Variants in OPHN1 observed in about 807,000 individuals in gnomAD.
OPHN1 encodes the protein oligophrenin-1.
In OPHN1, 11 loss-of-function variants were observed where a neutral mutation model predicts 60.7. The ratio of observed to expected loss-of-function variants is 0.18; its 90% CI spans 0.11 to 0.30. OPHN1 has a LOEUF of 0.30. Ranked by LOEUF, OPHN1 falls within the 10% of genes least tolerant of loss-of-function variation. The pLI is 1.00. For synonymous variants in OPHN1, 226 were observed against 222.6 expected (o/e 1.02, Z -0.14); for missense variants, 449 against 611.0 (o/e 0.73, Z 2.80).
Position 68,063,861 on chromosome X carries a change from G to C in OPHN1, c.2151C>G (p.His717Gln), listed in dbSNP as rs1309590503. The change falls in exon 21 of 25, where the codon CAC (histidine) becomes CAG (glutamine). Residue 717 changes from histidine (H) to glutamine (Q), a missense_variant. Coordinates refer to ENST00000355520, the MANE Select transcript of OPHN1 (RefSeq NM_002547.3). Reference protein sequence around the residue: ...KRPAPRPLAHHKEGDADSFSK... With the variant: ...KRPAPRPLAHQKEGDADSFSK... ...GGATTCCCAAGCACTTACCCTCCTT[G>C]TGGTGGGCCAGGGGCCGGGGAGCTG... The C allele has an allele frequency of 3.4e-6, 4 of 1,163,983 alleles. No homozygotes were observed. The highest frequency in any genetic ancestry group is 5.1e-5 in the Admixed American group (2 of 39,569).
chrX:68,419,111 G>A (rs1345432210), intron 2 of OPHN1, among the ~76,000 whole-genome samples: 2 of 109,743 alleles, frequency 1.8e-5, no homozygotes, highest in African/African-American at 6.6e-5. Context: ...GGGTTCAAGC[G>A]ATTCTCCTGC....
intron 2 of OPHN1, among the ~76,000 whole-genome samples, chrX:68,333,884 C>A (rs2078308440): frequency 9.8e-6 from 1 of 101,539 alleles, no homozygotes; most frequent in South Asian, 4.4e-4. Context: ...TCTCTAATTT[C>A]AAATGAATTT....
intron 2 of OPHN1, among the ~76,000 whole-genome samples, chrX:68,379,456 C>G (rs1458086180): frequency 1.9e-5 from 2 of 105,496 alleles, no homozygotes; most frequent in African/African-American, 3.5e-5. Context: ...GCCAGAACTT[C>G]CAACACTATG....
At chrX:68,364,940 T>C (rs913184927) in intron 2 of OPHN1, among the ~76,000 whole-genome samples, 11 of 111,718 alleles carry the variant, frequency 9.8e-5, no homozygotes, top group Non-Finnish European at 1.7e-4. Context: ...CTAACTTCTC[T>C]AATCCTCACT....
intron 15 of OPHN1, among the ~76,000 whole-genome samples, chrX:68,172,886 C>A (rs770646496): frequency 1.8e-5 from 2 of 111,441 alleles, no homozygotes; most frequent in Non-Finnish European, 3.8e-5. Context: ...TTATCCTTGA[C>A]AGTTTCCAGT....
chrX:68,268,285 A>C (rs980205678), intron 5 of OPHN1, among the ~76,000 whole-genome samples: 5 of 111,546 alleles, frequency 4.5e-5, no homozygotes, highest in Non-Finnish European at 9.4e-5. Context: ...GAGACACAAC[A>C]AAAAAAGAGA....
At chrX:68,407,719 C>G (rs1420270396) in intron 2 of OPHN1, among the ~76,000 whole-genome samples, 1 of 111,759 alleles carries the variant, frequency 8.9e-6, no homozygotes, top group Non-Finnish European at 1.9e-5. Flanking sequence ...ATGTCCTCTA[C>G]TATAAATTAG....
chrX:68,350,466 T>TCCTTCCTCCCTCCCTC (rs2078403161), intron 2 of OPHN1, among the ~76,000 whole-genome samples: 2 of 68,645 alleles, frequency 2.9e-5, no homozygotes, highest in Non-Finnish European at 5.0e-5. Flanking sequence ...CTTCCTTCCT[T>TCCTTCCTCCCTCCCTC]CCTTCCTCCC....
intron 2 of OPHN1, among the ~76,000 whole-genome samples, chrX:68,306,480 T>C (rs755814964): frequency 1.4e-4 from 16 of 111,779 alleles, no homozygotes; most frequent in Middle Eastern, 9.3e-3. Context: ...AATGGGAAGT[T>C]GGGAGATACA....
intron 3 of OPHN1, among the ~76,000 whole-genome samples, chrX:68,296,843 C>T (rs1184383589): frequency 9.1e-6 from 1 of 110,054 alleles, no homozygotes; most frequent in Non-Finnish European, 1.9e-5. Flanking sequence ...TAATCAGCAG[C>T]TCTGATGGAG....
chrX:68,323,037 G>A (rs775218641), intron 2 of OPHN1, among the ~76,000 whole-genome samples: 11 of 111,474 alleles, frequency 9.9e-5, no homozygotes, highest in East Asian at 5.6e-4. Context: ...GTGTGTGGGC[G>A]TGAATATAAA....
chrX:68,130,354 G>A (rs1453770187), intron 15 of OPHN1, among the ~76,000 whole-genome samples: 1 of 111,371 alleles, frequency 9.0e-6, no homozygotes, highest in Non-Finnish European at 1.9e-5. Context: ...GATTCTCCCT[G>A]TATTCAAACT....
At chrX:68,153,435 G>T (rs2077294935) in intron 15 of OPHN1, among the ~76,000 whole-genome samples, 1 of 110,976 alleles carries the variant, frequency 9.0e-6, no homozygotes, top group Admixed American at 9.6e-5. Flanking sequence ...AAATTCTGTA[G>T]AAGAAGCAGT....
chrX:68,157,870 A>G (rs1356907065), intron 15 of OPHN1, among the ~76,000 whole-genome samples: 2 of 112,922 alleles, frequency 1.8e-5, no homozygotes, highest in East Asian at 5.5e-4. Flanking sequence ...ATTAAAATAT[A>G]TGACAAAATA....
chrX:68,339,681 C>T (rs970512701), intron 2 of OPHN1, among the ~76,000 whole-genome samples: 5 of 112,002 alleles, frequency 4.5e-5, no homozygotes, highest in African/African-American at 1.6e-4. Context: ...CAGCTCGCTG[C>T]ACCCTCTGCC....
intron 2 of OPHN1, among the ~76,000 whole-genome samples, chrX:68,342,201 G>A (rs2078356543): frequency 9.1e-6 from 1 of 110,431 alleles, no homozygotes; most frequent in Admixed American, 9.8e-5. Context: ...AAACTCCTGG[G>A]CTCAAGTGAT....
At chrX:68,141,960 G>GAAAGAAAGAAAT (rs1194210136) in intron 15 of OPHN1, among the ~76,000 whole-genome samples, 4 of 98,627 alleles carry the variant, frequency 4.1e-5, no homozygotes, top group African/African-American at 1.4e-4. Flanking sequence ...AAGAAAGAAA[G>GAAAGAAAGAAAT]AAGAGAGGCA....
In OPHN1 at chrX:68,086,991, A is replaced by G. The variant is rs773706657; in HGVS notation, c.1686+9879T>C. 2.8e-4 allele frequency among the ~76,000 whole-genome samples: 31 copies of G among 112,518 alleles called. No individual in the cohort carries two copies. In the South Asian group the frequency reaches 0.012, roughly 42 times the overall value. On this transcript the variant is annotated intron_variant, in intron 19 of 24. Coordinates refer to ENST00000355520, the MANE Select transcript of OPHN1 (RefSeq NM_002547.3). ...CACTCTTTCCACTATAAACCATAGA[A>G]GGAAACATTTTAAGTTTAAAAATAA...
At chrX:68,366,813 C>A (rs181729003) in intron 2 of OPHN1, among the ~76,000 whole-genome samples, 33 of 112,081 alleles carry the variant, frequency 2.9e-4, no homozygotes, top group Admixed American at 2.8e-3. Context: ...ACTTACCACA[C>A]ACTATACTAA....
Sources: allele counts gnomAD v4.1 joint callset (sites outside exome capture counted in the v4.1 genomes callset), GRCh38; gene constraint gnomAD v4.1.1; transcripts MANE v1.5; gene names NCBI Gene and HGNC (gene_info 2026-07-23, HGNC 2026-07-21).